TMEM131: variants seen among roughly 807,000 people sequenced by gnomAD.
TMEM131 encodes the protein transmembrane protein 131.
In TMEM131, 66 loss-of-function variants were observed where a neutral mutation model predicts 211.6. The observed-to-expected ratio is 0.31, with a 90% CI of 0.26 to 0.38. The LOEUF is 0.38. Among genes scored for constraint, TMEM131 ranks in the 10% least tolerant of loss-of-function variants. The probability of loss-of-function intolerance (pLI) is 1.00; values close to 1 mark genes in which losing one functional copy is unlikely to be tolerated. For missense variants in TMEM131, 2,036 were observed against 2,299.3 expected (o/e 0.89, Z 2.34); for synonymous variants, 844 against 841.3 (o/e 1.00, Z -0.06).
chr2:97,861,793 G>C (rs976420399), intron 4 of TMEM131, among the ~76,000 whole-genome samples: 1 of 152,138 alleles, frequency 6.6e-6, no homozygotes, highest in Non-Finnish European at 1.5e-5. Context: ...CCTGGGACCT[G>C]GGGGAACTCA....
chr2:97,905,405 TG>T (rs1337753534), intron 3 of TMEM131, among the ~76,000 whole-genome samples: 1 of 152,184 alleles, frequency 6.6e-6, no homozygotes, highest in Admixed American at 6.5e-5. Context: ...GAATATTATC[TG>T]GCTTGGTGTG....
At chr2:97,767,496 G>A (rs1218941045) in intron 33 of TMEM131, among the ~76,000 whole-genome samples, 5 of 152,090 alleles carry the variant, frequency 3.3e-5, no homozygotes, top group Admixed American at 6.5e-5. Context: ...GAGGACCTCC[G>A]GAAGGAGCTC....
At chr2:97,780,634 G>C (rs1679950326) in intron 31 of TMEM131, among the ~76,000 whole-genome samples, 1 of 151,802 alleles carries the variant, frequency 6.6e-6, no homozygotes, top group Non-Finnish European at 1.5e-5. Context: ...GACCTATCAG[G>C]GGCAATCATT....
intron 4 of TMEM131, among the ~76,000 whole-genome samples, chr2:97,870,516 C>T (rs4851641): frequency 1 from 151,654 of 152,224 alleles, 75,566 homozygotes; most frequent in Middle Eastern, 1. Flanking sequence ...CTCTGTGCTG[C>T]TGCAGCAGAA....
At chr2:97,894,814 G>A (rs1286502196) in intron 3 of TMEM131, among the ~76,000 whole-genome samples, 3 of 152,086 alleles carry the variant, frequency 2.0e-5, no homozygotes, top group South Asian at 2.1e-4. Flanking sequence ...TTTCATCTGC[G>A]AACAGAGACA....
In TMEM131 at chr2:97,836,729, T is replaced by A. The variant is rs188387221; in HGVS notation, c.804+348A>T. Among the ~76,000 whole-genome samples the A allele has an allele frequency of 9.5e-4, 144 of 152,256 alleles. 3 individuals are homozygous for A. In the East Asian group the frequency reaches 0.012, roughly 12 times the overall value. On this transcript the variant is annotated intron_variant, in intron 8 of 40. Coordinates refer to ENST00000186436, the MANE Select transcript of TMEM131 (RefSeq NM_015348.2). ...AAAAACATAATGAATGCTTCCTACATTTTTTTAATCATTTACATTTTTTTA... is the reference window on the plus strand; with the variant it reads ...AAAAACATAATGAATGCTTCCTACAATTTTTTAATCATTTACATTTTTTTA...
intron 1 of TMEM131, among the ~76,000 whole-genome samples, chr2:97,974,117 T>C (rs556828624): frequency 5.9e-5 from 9 of 152,128 alleles, no homozygotes; most frequent in Non-Finnish European, 1.3e-4. Flanking sequence ...ATGTGTTCCA[T>C]ATGTTCAAAA....
chr2:97,760,505 G>A, intron 38 of TMEM131, 88 bp downstream of exon 38: 1 of 1,201,808 alleles, frequency 8.3e-7, no homozygotes, highest in Admixed American at 2.2e-5. Flanking sequence ...GGGGAAAAAT[G>A]CCCTGAAACC....
intron 2 of TMEM131, among the ~76,000 whole-genome samples, chr2:97,921,882 G>A (rs183266202): frequency 1.5e-4 from 23 of 152,322 alleles, no homozygotes; most frequent in Admixed American, 1.5e-3. Flanking sequence ...AGAACAGAAG[G>A]AGGGAAGGAA....
intron 31 of TMEM131, among the ~76,000 whole-genome samples, chr2:97,781,142 T>C (rs1214808760): frequency 1.3e-5 from 2 of 152,216 alleles, no homozygotes; most frequent in African/African-American, 2.4e-5. Context: ...GCTCCCGGCA[T>C]GGACCCCCTT....
At chr2:97,848,840 C>T (rs1414370306) in intron 5 of TMEM131, among the ~76,000 whole-genome samples, 1 of 152,112 alleles carries the variant, frequency 6.6e-6, no homozygotes, top group Non-Finnish European at 1.5e-5. Context: ...TAAACTTCTG[C>T]TCTTTCAAAT....
chr2:97,859,339 T>G lies in TMEM131; in HGVS notation c.448A>C (p.Thr150Pro), dbSNP rs1216576710. ...AAAAATGATGCATGAAAATGTGATG[T>G]TGTAGCAGATATTGATACTAAAGTA... ...TITLVSISAT[T>P]SHFHASFFQN... The change falls in exon 5 of 41, where the codon ACA becomes CCA. Residue 150 changes from threonine (T) to proline (P), a missense_variant. Thr to Pro is a conservative substitution (Grantham distance 38). Transcript: ENST00000186436. The G allele has an allele frequency of 6.2e-7, 1 of 1,602,158 alleles. No homozygotes were observed.
chr2:97,945,868 C>T (rs994622558), intron 1 of TMEM131, among the ~76,000 whole-genome samples: 3 of 152,202 alleles, frequency 2.0e-5, no homozygotes, highest in African/African-American at 7.2e-5. Context: ...AAAAGATATA[C>T]ATCAAGCAAT....
chr2:97,918,032 C>T (rs768366048), intron 2 of TMEM131, among the ~76,000 whole-genome samples: 13 of 151,946 alleles, frequency 8.6e-5, no homozygotes, highest in African/African-American at 2.9e-4. Context: ...CTACAACCTC[C>T]GCCTCCCGGG....
At chr2:97,863,327 T>C (rs1028614657) in intron 4 of TMEM131, among the ~76,000 whole-genome samples, 1 of 152,094 alleles carries the variant, frequency 6.6e-6, no homozygotes, top group Non-Finnish European at 1.5e-5. Context: ...CTCCAGGACG[T>C]TGGAGTGGGC....
At chr2:97,797,742 G>A (rs1343772957) in intron 25 of TMEM131, among the ~76,000 whole-genome samples, 4 of 152,212 alleles carry the variant, frequency 2.6e-5, no homozygotes, top group African/African-American at 4.8e-5. Flanking sequence ...TCTTCCCCAG[G>A]TCACCAAATA....
intron 33 of TMEM131, among the ~76,000 whole-genome samples, chr2:97,767,801 A>T (rs1473848411): frequency 6.6e-6 from 1 of 152,136 alleles, no homozygotes; most frequent in Non-Finnish European, 1.5e-5. Context: ...CCATCCTCCA[A>T]GTTCTTCACG....
chr2:97,959,433 C>T (rs1678717335), intron 1 of TMEM131, among the ~76,000 whole-genome samples: 1 of 152,122 alleles, frequency 6.6e-6, no homozygotes, highest in South Asian at 2.1e-4. Context: ...TCTTGGCGCA[C>T]CTTTTACTGT....
At chr2:97,891,097 G>A (rs930672422) in intron 3 of TMEM131, among the ~76,000 whole-genome samples, 4 of 152,082 alleles carry the variant, frequency 2.6e-5, no homozygotes, top group African/African-American at 9.7e-5. Context: ...TGATTCAAAT[G>A]GTTCCTATCC....
Sources: gnomAD v4.1 joint callset for allele counts (sites outside exome capture counted in the v4.1 genomes callset) on GRCh38, gnomAD v4.1.1 for gene constraint, MANE v1.5 for transcripts, NCBI Gene and HGNC (gene_info 2026-07-23, HGNC 2026-07-21) for gene names.